PRR16: variants seen among roughly 807,000 people sequenced by gnomAD.
PRR16 encodes proline rich 16, also known as protein Largen.
Under a neutral mutation model 18.2 loss-of-function variants are expected in PRR16, and 6 were observed. The ratio of observed to expected loss-of-function variants is 0.33; its 90% CI spans 0.18 to 0.65. The LOEUF (loss-of-function observed/expected upper bound fraction) is 0.65. PRR16 is among the 30% of genes least tolerant of loss of function. The pLI, the probability that PRR16 is intolerant of heterozygous loss-of-function variation, is 0.74. For synonymous variants in PRR16, 151 were observed against 147.8 expected (o/e 1.02, Z -0.16); for missense variants, 412 against 376.6 (o/e 1.09, Z -0.78).
chr5:120,522,399 G>C (rs921555519), intron 1 of PRR16, among the ~76,000 whole-genome samples: 1 of 152,128 alleles, frequency 6.6e-6, no homozygotes, highest in African/African-American at 2.4e-5. Flanking sequence ...TTGTGGTTTT[G>C]ATTTGCATTT....
intron 1 of PRR16, among the ~76,000 whole-genome samples, chr5:120,676,057 T>TTTA (rs1214960192): frequency 6.6e-6 from 1 of 152,182 alleles, no homozygotes; most frequent in East Asian, 1.9e-4. Context: ...TAAGTATATA[T>TTTA]CCTCCATATT....
the PRR16 span, among the ~76,000 whole-genome samples, chr5:120,740,696 A>C: frequency 6.6e-6 from 1 of 152,162 alleles, no homozygotes; most frequent in Non-Finnish European, 1.5e-5. Flanking sequence ...TTTCTATATA[A>C]ATTCTGGAAT....
At chr5:120,541,233 G>T (rs531874467) in intron 1 of PRR16, among the ~76,000 whole-genome samples, 1 of 152,254 alleles carries the variant, frequency 6.6e-6, no homozygotes, top group Admixed American at 6.5e-5. Context: ...TGCAACCTCT[G>T]CCTCCAGGTT....
the PRR16 span, among the ~76,000 whole-genome samples, chr5:120,770,408 A>G: frequency 6.6e-6 from 1 of 152,010 alleles, no homozygotes; most frequent in Non-Finnish European, 1.5e-5. Context: ...CTTACATTAT[A>G]CAGAAAAATC....
intron 1 of PRR16, among the ~76,000 whole-genome samples, chr5:120,568,350 A>G (rs905274609): frequency 6.6e-6 from 1 of 152,202 alleles, no homozygotes; most frequent in Non-Finnish European, 1.5e-5. Context: ...AAGTCTGTGC[A>G]GCTAGTGGGG....
At chr5:120,716,871 C>CA in the PRR16 span, among the ~76,000 whole-genome samples, 2 of 151,584 alleles carry the variant, frequency 1.3e-5, no homozygotes, top group South Asian at 4.1e-4. Flanking sequence ...GACTCCATCT[C>CA]AAAAAAACAA....
intron 1 of PRR16, among the ~76,000 whole-genome samples, chr5:120,655,603 T>C (rs1265325945): frequency 2.6e-5 from 4 of 151,870 alleles, no homozygotes; most frequent in East Asian, 1.9e-4. Context: ...ATTTGTCTTA[T>C]GAAAACTCAC....
At chr5:120,481,468 A>G (rs979650613) in intron 1 of PRR16, among the ~76,000 whole-genome samples, 1 of 152,110 alleles carries the variant, frequency 6.6e-6, no homozygotes, top group Non-Finnish European at 1.5e-5. Flanking sequence ...TGTTTCCATG[A>G]TTAGTATAGG....
the PRR16 span, among the ~76,000 whole-genome samples, chr5:120,731,212 T>G: frequency 1.3e-5 from 2 of 152,198 alleles, no homozygotes; most frequent in Non-Finnish European, 2.9e-5. Flanking sequence ...ATGTGGACAG[T>G]AGATATTTGT....
At chr5:120,722,723 T>C in the PRR16 span, among the ~76,000 whole-genome samples, 9 of 152,120 alleles carry the variant, frequency 5.9e-5, no homozygotes, top group East Asian at 1.7e-3. Flanking sequence ...GAGCAGACTG[T>C]TTCATTACCA....
chr5:120,664,034 C>A (rs918584285), intron 1 of PRR16, among the ~76,000 whole-genome samples: 1 of 152,118 alleles, frequency 6.6e-6, no homozygotes, highest in Non-Finnish European at 1.5e-5. Flanking sequence ...CGCGGTGGCT[C>A]ATGCCTGTAA....
At chr5:120,661,012 A>G (rs1756155772) in intron 1 of PRR16, among the ~76,000 whole-genome samples, 1 of 152,066 alleles carries the variant, frequency 6.6e-6, no homozygotes, top group Non-Finnish European at 1.5e-5. Flanking sequence ...AGTTGTCTCT[A>G]TACTTGAAGG....
intron 1 of PRR16, among the ~76,000 whole-genome samples, chr5:120,553,800 T>C (rs934069248): frequency 3.9e-5 from 6 of 152,022 alleles, no homozygotes; most frequent in Admixed American, 6.6e-5. Flanking sequence ...TACAACTTGG[T>C]ATATTATTAC....
At chr5:120,767,076 G>A in the PRR16 span, among the ~76,000 whole-genome samples, 1 of 151,808 alleles carries the variant, frequency 6.6e-6, no homozygotes, top group Admixed American at 6.6e-5. Flanking sequence ...ACTTACATTT[G>A]CTTAAATTTT....
At chr5:120,776,556 CATAG>C in the PRR16 span, among the ~76,000 whole-genome samples, 1 of 152,038 alleles carries the variant, frequency 6.6e-6, no homozygotes, top group African/African-American at 2.4e-5. Flanking sequence ...TTATTAAGAG[CATAG>C]ATAAATAAGG....
the PRR16 span, among the ~76,000 whole-genome samples, chr5:120,705,558 A>C: frequency 6.6e-6 from 1 of 152,050 alleles, no homozygotes; most frequent in Non-Finnish European, 1.5e-5. Context: ...TTTCTTTATA[A>C]TCAGCTTATA....
chr5:120,558,293 T>G (rs1752477706), intron 1 of PRR16, among the ~76,000 whole-genome samples: 1 of 151,796 alleles, frequency 6.6e-6, no homozygotes, highest in Non-Finnish European at 1.5e-5. Flanking sequence ...CCCACTACTC[T>G]TCCCCAACTA....
At chr5:120,671,646 C>T (rs1009487989) in intron 1 of PRR16, among the ~76,000 whole-genome samples, 3 of 152,052 alleles carry the variant, frequency 2.0e-5, no homozygotes, top group Admixed American at 2.0e-4. Context: ...TGCTCAGTAT[C>T]TGAGATGTAA....
the PRR16 span, among the ~76,000 whole-genome samples, chr5:120,785,662 T>A: frequency 6.8e-6 from 1 of 147,358 alleles, no homozygotes; most frequent in African/African-American, 2.5e-5. Flanking sequence ...AACCTCCTCC[T>A]TCCAGGTTCA....
Sources: allele counts gnomAD v4.1 joint callset (sites outside exome capture counted in the v4.1 genomes callset), GRCh38; gene constraint gnomAD v4.1.1; transcripts MANE v1.5; gene names NCBI Gene and HGNC (gene_info 2026-07-23, HGNC 2026-07-21).